The following NKAIN3 variants were observed in gnomAD, a reference collection of about 807,000 sequenced individuals.
NKAIN3 encodes the protein sodium/potassium transporting ATPase interacting 3, also known as sodium/potassium-transporting ATPase subunit beta-1-interacting protein 3.
In NKAIN3, 25 loss-of-function variants were observed where a neutral mutation model predicts 30.2. That is an observed-to-expected ratio of 0.83 (90% CI 0.60 to 1.16). NKAIN3 has a LOEUF of 1.16. Ranked by LOEUF, NKAIN3 falls within the 50% of genes most tolerant of loss-of-function variation. The probability of loss-of-function intolerance (pLI) is 0.00; values close to 1 mark genes in which losing one functional copy is unlikely to be tolerated. For synonymous variants in NKAIN3, 91 were observed against 89.6 expected, an observed-to-expected ratio of 1.02 and a Z score of -0.09; for missense variants, 225 against 254.1, an observed-to-expected ratio of 0.89 and a Z score of 0.78.
Position 62,767,012 on chromosome 8 carries a change from G to C in NKAIN3, c.471+19883G>C, listed in dbSNP as rs928215406. Among the ~76,000 whole-genome samples the C allele has an allele frequency of 4.6e-5, 7 of 152,102 alleles. No homozygotes were observed. In the East Asian group the frequency reaches 5.8e-4, roughly 13 times the overall value. On this transcript the variant is annotated intron_variant, in intron 4 of 6. Coordinates refer to ENST00000623646, the MANE Select transcript of NKAIN3 (RefSeq NM_001304533.3). ...ATTGGCCATGAGAATAGGGAGCAGG[G>C]AATCCAGCAAGGAGTAGTGGACATC...
intron 1 of NKAIN3, among the ~76,000 whole-genome samples, chr8:62,492,358 G>T (rs1238481650): frequency 6.6e-6 from 1 of 152,098 alleles, no homozygotes; most frequent in Non-Finnish European, 1.5e-5. Flanking sequence ...TGTAAATATA[G>T]ATGCCCAAGC....
chr8:62,915,678 C>T (rs1339476654), intron 4 of NKAIN3, among the ~76,000 whole-genome samples: 1 of 152,108 alleles, frequency 6.6e-6, no homozygotes, highest in African/African-American at 2.4e-5. Flanking sequence ...ACACACACCC[C>T]TAAGGGAGAA....
chr8:62,417,244 T>C (rs1804476026), intron 1 of NKAIN3, among the ~76,000 whole-genome samples: 1 of 152,136 alleles, frequency 6.6e-6, no homozygotes, highest in South Asian at 2.1e-4. Flanking sequence ...TGTGCCTGGG[T>C]TATTTTACTT....
chr8:62,356,161 C>T (rs1471589318), intron 1 of NKAIN3, among the ~76,000 whole-genome samples: 1 of 152,126 alleles, frequency 6.6e-6, no homozygotes. Context: ...GCAGCTTCTT[C>T]AAAAGAAAGG....
intron 4 of NKAIN3, among the ~76,000 whole-genome samples, chr8:62,795,404 T>C (rs942395866): frequency 6.6e-6 from 1 of 152,154 alleles, no homozygotes; most frequent in African/African-American, 2.4e-5. Flanking sequence ...ACAAGCCCCT[T>C]GGGTGCCTAT....
intron 4 of NKAIN3, among the ~76,000 whole-genome samples, chr8:62,868,515 G>A (rs144282179): frequency 3.3e-5 from 5 of 152,192 alleles, no homozygotes; most frequent in Non-Finnish European, 5.9e-5. Context: ...ATTAACCCTC[G>A]ACCTGGTTCA....
intron 4 of NKAIN3, among the ~76,000 whole-genome samples, chr8:62,835,885 G>T (rs62509408): frequency 0.11 from 16,795 of 151,980 alleles, 991 homozygotes; most frequent in African/African-American, 0.15. Flanking sequence ...CACATGCACT[G>T]GTATGTTCAT....
At chr8:62,549,386 T>A (rs535573112) in intron 1 of NKAIN3, among the ~76,000 whole-genome samples, 10 of 152,150 alleles carry the variant, frequency 6.6e-5, no homozygotes, top group Admixed American at 1.3e-4. Flanking sequence ...TTGTTTAATT[T>A]AAAATTTTTT....
intron 4 of NKAIN3, among the ~76,000 whole-genome samples, chr8:62,752,939 G>T (rs1043199613): frequency 1.3e-5 from 2 of 152,112 alleles, no homozygotes; most frequent in Non-Finnish European, 2.9e-5. Context: ...GGATTGGTAA[G>T]GATACCTAGC....
intron 4 of NKAIN3, among the ~76,000 whole-genome samples, chr8:62,787,418 C>G (rs1006479709): frequency 1.3e-5 from 2 of 151,968 alleles, no homozygotes; most frequent in African/African-American, 4.8e-5. Context: ...AGAACAAAAC[C>G]TCCTGCCCCC....
chr8:62,900,497 G>A (rs1821580455), intron 4 of NKAIN3, among the ~76,000 whole-genome samples: 1 of 152,162 alleles, frequency 6.6e-6, no homozygotes, highest in Non-Finnish European at 1.5e-5. Context: ...GGGCTCCAAA[G>A]CCAGAGTGTC....
intron 4 of NKAIN3, among the ~76,000 whole-genome samples, chr8:62,880,600 TA>T (rs746868638): frequency 5.3e-5 from 8 of 152,214 alleles, no homozygotes; most frequent in Admixed American, 6.5e-5. Flanking sequence ...CTTTTTCCCT[TA>T]AAAAAATGGA....
At chr8:62,990,514 A>G (rs2130932795) in intron 5 of NKAIN3, 1 of 372,900 alleles carries the variant, frequency 2.7e-6, no homozygotes, top group East Asian at 8.3e-5. Context: ...TTTCCACTAA[A>G]TTCACCAATT....
At chr8:62,583,407 G>A (rs16929206) in intron 2 of NKAIN3, among the ~76,000 whole-genome samples, 2,089 of 152,274 alleles carry the variant, frequency 0.014, 43 homozygotes, top group African/African-American at 0.043. Flanking sequence ...TGCCAACCAA[G>A]TCTCTCTCAT....
chr8:62,351,881 G>A (rs1238623868), intron 1 of NKAIN3, among the ~76,000 whole-genome samples: 1 of 152,166 alleles, frequency 6.6e-6, no homozygotes, highest in Non-Finnish European at 1.5e-5. Context: ...ATTTTGAGAT[G>A]CTATGCAGGC....
In NKAIN3 at chr8:62,971,147, A is replaced by T. The variant is rs560461700; in HGVS notation, c.*5740A>T. On this transcript the variant is annotated 3_prime_UTR_variant, in exon 7 of 7. Coordinates refer to ENST00000623646, the MANE Select transcript of NKAIN3 (RefSeq NM_001304533.3). ...CAAAATGGCTGCTGAAGCTTCAGCC[A>T]TTGGTTTTGTATTCTGGCCTTGGAG... Among the ~76,000 whole-genome samples, 1 of 152,266 alleles carries T rather than the reference A, an allele frequency of 6.6e-6. No individual in the cohort carries two copies. Among genetic ancestry groups the T allele is most frequent in the East Asian group, 1.9e-4 (1 of 5,168 alleles).
rs1197689557 is a variant in NKAIN3, at chr8:62,806,350, C to G, written c.471+59221C>G. On this transcript the variant is annotated intron_variant, in intron 4 of 6. Coordinates refer to ENST00000623646, the MANE Select transcript of NKAIN3 (RefSeq NM_001304533.3). ...ATCCATGCTGCTATAAAGACACATG[C>G]ATACGTATGTTTATTGTGGCACTAT... Among the ~76,000 whole-genome samples, 6 of 152,306 alleles carry G rather than the reference C, an allele frequency of 3.9e-5. No individual in the cohort carries two copies. The East Asian group carries it at 1.2e-3, about 29-fold the overall frequency.
chr8:62,796,383 CAAAAAAAAAAAA>C (rs71255362), intron 4 of NKAIN3, among the ~76,000 whole-genome samples: 9,893 of 54,064 alleles, frequency 0.18, 516 homozygotes, highest in Middle Eastern at 0.35. Context: ...GACTCTGTCT[CAAAAAAAAAAAA>C]AAAAAAAAAA....
At chr8:62,577,980 T>G (rs952855445) in intron 1 of NKAIN3, among the ~76,000 whole-genome samples, 3 of 152,004 alleles carry the variant, frequency 2.0e-5, no homozygotes, top group Admixed American at 1.3e-4. Flanking sequence ...CCAAGGAAAT[T>G]AAAGCTATTC....
Sources: gnomAD v4.1 joint callset for allele counts (sites outside exome capture counted in the v4.1 genomes callset) on GRCh38, gnomAD v4.1.1 for gene constraint, MANE v1.5 for transcripts, NCBI Gene and HGNC (gene_info 2026-07-23, HGNC 2026-07-21) for gene names.